The following CA10 variants were observed in gnomAD, a reference collection of about 807,000 sequenced individuals.
CA10 encodes carbonic anhydrase-related protein 10.
A neutral mutation model predicts 44.2 loss-of-function variants in CA10; 14 were observed. The observed-to-expected ratio is 0.32, with a 90% confidence interval of 0.21 to 0.50. The LOEUF (loss-of-function observed/expected upper bound fraction) is 0.50, where lower values mean the gene tolerates loss of function less well. Among genes scored for constraint, CA10 ranks in the 20% least tolerant of loss-of-function variants. The pLI is 0.99. For missense variants in CA10, 350 were observed against 409.7 expected (o/e 0.85, Z 1.26); for synonymous variants, 159 against 141.6 (o/e 1.12, Z -0.87).
Position 51,789,055 on chromosome 17 carries a change from G to A in CA10, c.280-41237C>T, listed in dbSNP as rs572331006. Among the ~76,000 whole-genome samples the A allele has an allele frequency of 5.3e-5, 8 of 152,122 alleles. No individual in the cohort carries two copies. In the South Asian group the frequency reaches 1.7e-3, roughly 32 times the overall value. ...GATAGAGTCTCTCTCAATCACCCAG[G>A]CTGGAGTGCAGTGGCGCGATCTCAG... On this transcript the variant is annotated intron_variant, in intron 3 of 8. Transcript: ENST00000451037.
At chr17:51,929,746 G>A in intron 3 of CA10, among the ~76,000 whole-genome samples, 1 of 152,032 alleles carries the variant, frequency 6.6e-6, no homozygotes, top group Admixed American at 6.5e-5. Context: ...GCCATGACAA[G>A]CTCCTTGCAG....
chr17:51,701,964 C>T (rs1038721980), intron 4 of CA10, among the ~76,000 whole-genome samples: 1 of 152,158 alleles, frequency 6.6e-6, no homozygotes, highest in Non-Finnish European at 1.5e-5. Flanking sequence ...AGGTTGGCAC[C>T]TTACCCAGAT....
intron 3 of CA10, among the ~76,000 whole-genome samples, chr17:51,898,780 G>C (rs896999663): frequency 6.6e-6 from 1 of 151,962 alleles, no homozygotes; most frequent in Non-Finnish European, 1.5e-5. Context: ...ATTCTTAGGA[G>C]ATTGTACATT....
chr17:51,697,815 T>C (rs749098607), intron 4 of CA10, among the ~76,000 whole-genome samples: 6 of 152,204 alleles, frequency 3.9e-5, no homozygotes, highest in Non-Finnish European at 5.9e-5. Context: ...ATCTAAGGAA[T>C]GTAGCTATTA....
chr17:51,950,493 C>A (rs73350235), intron 2 of CA10, among the ~76,000 whole-genome samples: 1 of 152,096 alleles, frequency 6.6e-6, no homozygotes. Flanking sequence ...CAGCAACCAC[C>A]CTTGCAGGGC....
chr17:51,868,057 A>AAC (rs34631877), intron 3 of CA10, among the ~76,000 whole-genome samples: 17,755 of 144,786 alleles, frequency 0.12, 1,108 homozygotes, highest in Admixed American at 0.18. Flanking sequence ...AAGCAGGTGT[A>AAC]ACACACACAC....
chr17:52,072,539 C>CTTTTT (rs5820905), intron 1 of CA10, 146 bp from the exon 2 acceptor site: 1 of 380,028 alleles, frequency 2.6e-6, no homozygotes, highest in Non-Finnish European at 4.8e-6. Flanking sequence ...TCTCCCTTCC[C>CTTTTT]TTTTTTTTTT....
chr17:52,137,958 C>T (rs563394441), intron 1 of CA10, among the ~76,000 whole-genome samples: 17 of 152,250 alleles, frequency 1.1e-4, no homozygotes, highest in South Asian at 1.0e-3. Flanking sequence ...ATCCTATGTG[C>T]ATCAGTTTCC....
chr17:52,025,820 T>A (rs557538688), intron 2 of CA10, among the ~76,000 whole-genome samples: 2 of 152,186 alleles, frequency 1.3e-5, no homozygotes, highest in East Asian at 3.9e-4. Flanking sequence ...TTTCAAGCTG[T>A]AGATAAAGAC....
chr17:51,856,034 T>C (rs1261427121), intron 3 of CA10, among the ~76,000 whole-genome samples: 2 of 152,282 alleles, frequency 1.3e-5, no homozygotes, highest in Non-Finnish European at 2.9e-5. Flanking sequence ...TGAGCAGGCA[T>C]GCACCTGTGC....
chr17:52,127,232 T>C (rs1304912251), intron 1 of CA10, among the ~76,000 whole-genome samples: 1 of 152,240 alleles, frequency 6.6e-6, no homozygotes, highest in Non-Finnish European at 1.5e-5. Flanking sequence ...CCAGCAAGTT[T>C]GTTTTTGACA....
chr17:51,924,401 G>T (rs1025145859), intron 3 of CA10, among the ~76,000 whole-genome samples: 1 of 152,160 alleles, frequency 6.6e-6, no homozygotes. Flanking sequence ...TGAATGCCAG[G>T]CTGAAGCATT....
intron 4 of CA10, among the ~76,000 whole-genome samples, chr17:51,682,080 G>T (rs746417629): frequency 1.4e-4 from 22 of 152,142 alleles, no homozygotes. Flanking sequence ...CACTGCATTC[G>T]ATCCTGGGGA....
At chr17:51,705,968 G>C (rs1411882311) in intron 4 of CA10, among the ~76,000 whole-genome samples, 3 of 152,188 alleles carry the variant, frequency 2.0e-5, no homozygotes, top group African/African-American at 7.2e-5. Context: ...ATCCATAATT[G>C]TTCCTGAGTG....
chr17:52,149,599 CAA>C (rs1159464776), intron 1 of CA10, among the ~76,000 whole-genome samples: 1 of 152,090 alleles, frequency 6.6e-6, no homozygotes, highest in African/African-American at 2.4e-5. Context: ...ATAAAAACTG[CAA>C]AAAAGTTACA....
chr17:51,931,930 T>G lies in CA10; in HGVS notation c.137-798A>C, dbSNP rs1394342327. On this transcript the variant is annotated intron_variant, in intron 2 of 8. Transcript: ENST00000451037. ...GGGGAGCCAACCTACTAATTTTATA[T>G]CAGTGAAGATCAAAACTATACTTTC... is the stretch of plus-strand genomic sequence containing the variant. Among the ~76,000 whole-genome samples, 4 of 152,168 alleles carry G rather than the reference T, an allele frequency of 2.6e-5. No individual in the cohort carries two copies. In the South Asian group the frequency reaches 6.2e-4, roughly 24 times the overall value.
At position 52,052,962 on chromosome 17, in the gene CA10, A is replaced by G. The variant is rs541282129; in HGVS notation, c.136+19357T>C. 6.7e-4 allele frequency among the ~76,000 whole-genome samples: 101 copies of G among 151,210 alleles called. 2 individuals carry two copies. The South Asian group carries it at 0.02, about 30-fold the overall frequency. On this transcript the variant is annotated intron_variant, in intron 2 of 8. Coordinates refer to ENST00000451037, the MANE Select transcript of CA10 (RefSeq NM_020178.5). ...GAGAGAGTGTGTGTGAGTGTGAGTG[A>G]TGTGTGTGTGTGTGGTGGCTTCCTA...
At chr17:52,098,588 T>C (rs759432332) in intron 1 of CA10, among the ~76,000 whole-genome samples, 3 of 152,200 alleles carry the variant, frequency 2.0e-5, no homozygotes, top group Non-Finnish European at 4.4e-5. Context: ...TAAGTCTTTT[T>C]AGGAAGAGCA....
At chr17:52,005,901 G>A (rs1409711329) in intron 2 of CA10, among the ~76,000 whole-genome samples, 1 of 151,842 alleles carries the variant, frequency 6.6e-6, no homozygotes, top group African/African-American at 2.4e-5. Flanking sequence ...GAAGAGGTAA[G>A]AAAGGTGAGG....
Sources: allele counts gnomAD v4.1 joint callset (sites outside exome capture counted in the v4.1 genomes callset), GRCh38; gene constraint gnomAD v4.1.1; transcripts MANE v1.5; gene names NCBI Gene and HGNC (gene_info 2026-07-23, HGNC 2026-07-21).